NUP107: variants seen among roughly 807,000 people sequenced by gnomAD.
NUP107 encodes the protein nucleoporin 107.
Under a neutral mutation model 141.0 loss-of-function variants are expected in NUP107, and 101 were observed. The ratio of observed to expected loss-of-function variants is 0.72; its 90% CI spans 0.61 to 0.84. NUP107 has a LOEUF of 0.84. Ranked by LOEUF, NUP107 falls within the 40% of genes least tolerant of loss-of-function variation. NUP107 has a pLI of 0.00. For missense variants in NUP107, 941 were observed against 1,102.7 expected (o/e 0.85, Z 2.08); for synonymous variants, 319 against 363.9 (o/e 0.88, Z 1.41).
In NUP107 at chr12:68,742,430, C is replaced by T. The variant is rs1878358187; in HGVS notation, c.2746C>T (p.Leu916Phe). The change falls in exon 28 of 28, where the codon CTT becomes TTT. Residue 916 changes from leucine (L) to phenylalanine (F), a missense_variant. Physicochemically the swap from Leu to Phe is conservative, Grantham distance 22. Transcript: ENST00000229179. The part of the protein sequence containing the change: ...ESSLMLLDQG[L>F]DPLGYEIQL ...CTCTCTAATGCTCCTAGACCAGGGA[C>T]TTGACCCATTAGGGTATGAAATTCA... 1 of 1,600,824 alleles carries T rather than the reference C, an allele frequency of 6.2e-7. No homozygotes were observed. The highest frequency in any genetic ancestry group is 1.7e-5 in the Admixed American group (1 of 58,742).
At chr12:68,705,015 G>T (rs1227750598) in intron 8 of NUP107, among the ~76,000 whole-genome samples, 1 of 151,854 alleles carries the variant, frequency 6.6e-6, no homozygotes, top group Admixed American at 6.6e-5. Context: ...CCCAAGTAGC[G>T]AGGACTACAG....
At chr12:68,718,280 A>T (rs1360687173) in intron 12 of NUP107, among the ~76,000 whole-genome samples, 1 of 152,198 alleles carries the variant, frequency 6.6e-6, no homozygotes, top group Middle Eastern at 3.2e-3. Flanking sequence ...TTGTTAGCTC[A>T]CATCCCTAAC....
chr12:68,725,912 C>G, intron 18 of NUP107, 116 bp downstream of exon 18: 1 of 593,138 alleles, frequency 1.7e-6, no homozygotes, highest in South Asian at 2.1e-5. Flanking sequence ...TCTCAGCTCA[C>G]TGCAACCTCT....
chr12:68,708,832 T>C (rs1046463641), intron 8 of NUP107, among the ~76,000 whole-genome samples: 2 of 152,188 alleles, frequency 1.3e-5, no homozygotes, highest in Non-Finnish European at 2.9e-5. Flanking sequence ...TTGGCCAGAC[T>C]GGTCTCGAAC....
intron 8 of NUP107, 61 bp downstream of exon 8, chr12:68,702,845 G>GT: frequency 1.0e-6 from 1 of 969,712 alleles, no homozygotes; most frequent in Non-Finnish European, 1.5e-6. Flanking sequence ...TTACTAATAG[G>GT]ATTTTTTTTT....
At chr12:68,688,426 G>A (rs1439990554) in intron 1 of NUP107, among the ~76,000 whole-genome samples, 1 of 152,098 alleles carries the variant, frequency 6.6e-6, no homozygotes, top group Non-Finnish European at 1.5e-5. Context: ...ATAACTTGAA[G>A]GGTCATTTTG....
intron 7 of NUP107, 128 bp downstream of exon 7, chr12:68,700,981 A>C (rs554291749): frequency 3.3e-5 from 28 of 858,714 alleles, no homozygotes; most frequent in Admixed American, 1.6e-4. Flanking sequence ...TATCATTTCG[A>C]ATACCTTAGT....
intron 10 of NUP107, 88 bp from the exon 11 acceptor site, chr12:68,713,642 C>T (rs1432197808): frequency 7.6e-6 from 7 of 925,712 alleles, no homozygotes; most frequent in Non-Finnish European, 1.0e-5. Context: ...TGTAGTCTGT[C>T]TTTCTTCCTT....
At chr12:68,708,268 T>A (rs944195278) in intron 8 of NUP107, among the ~76,000 whole-genome samples, 8 of 152,068 alleles carry the variant, frequency 5.3e-5, no homozygotes, top group Admixed American at 1.3e-4. Flanking sequence ...ATATATATAT[T>A]TTTTACATCA....
chr12:68,717,260 T>C (rs1877154277), intron 12 of NUP107, among the ~76,000 whole-genome samples: 1 of 152,188 alleles, frequency 6.6e-6, no homozygotes, highest in Non-Finnish European at 1.5e-5. Flanking sequence ...AAATAGAAAT[T>C]CTCAAGGTCT....
chr12:68,692,125 T>C lies in NUP107; in HGVS notation c.448+13T>C, dbSNP rs1213449182. ...CCTGGAGAAGCTGGTAAAATGGCAT[T>C]GAGCTTTGTGACAAGTAGCTTTTCA... is the stretch of plus-strand genomic sequence containing the variant. On this transcript the variant is annotated intron_variant, in intron 5 of 27. Coordinates refer to ENST00000229179, the MANE Select transcript of NUP107 (RefSeq NM_020401.4). 10 of 1,561,970 alleles carry C rather than the reference T, an allele frequency of 6.4e-6. No individual in the cohort carries two copies. In the East Asian group the frequency reaches 2.3e-4, roughly 36 times the overall value.
chr12:68,700,461 A>T (rs1358999443), intron 6 of NUP107, among the ~76,000 whole-genome samples: 1 of 152,186 alleles, frequency 6.6e-6, no homozygotes, highest in Non-Finnish European at 1.5e-5. Flanking sequence ...AAAAAAATAT[A>T]TCCATCACTG....
chr12:68,722,551 C>T (rs1325014522), intron 17 of NUP107, among the ~76,000 whole-genome samples: 1 of 151,874 alleles, frequency 6.6e-6, no homozygotes, highest in African/African-American at 2.4e-5. Context: ...ATAAATAAAA[C>T]CTTTATAGTA....
intron 11 of NUP107, 189 bp downstream of exon 11, chr12:68,713,997 T>A (rs1272712511): frequency 4.4e-5 from 24 of 544,708 alleles, no homozygotes; most frequent in Non-Finnish European, 3.2e-6. Flanking sequence ...GACCTTTGAA[T>A]TGTAAGTAAT....
intron 21 of NUP107, 115 bp from the exon 22 acceptor site, chr12:68,731,492 A>G (rs1412197755): frequency 8.1e-6 from 5 of 618,702 alleles, no homozygotes; most frequent in African/African-American, 1.9e-5. Flanking sequence ...CATATTTTAC[A>G]TATTTTATTT....
At chr12:68,735,792 T>C (rs1383850070) in intron 26 of NUP107, among the ~76,000 whole-genome samples, 4 of 151,980 alleles carry the variant, frequency 2.6e-5, no homozygotes, top group African/African-American at 7.3e-5. Context: ...AGGGCTGGGG[T>C]TTATTTTTGT....
chr12:68,712,740 C>T (rs1876922382), intron 10 of NUP107, among the ~76,000 whole-genome samples: 1 of 150,334 alleles, frequency 6.7e-6, no homozygotes, highest in African/African-American at 2.4e-5. Context: ...GAACAGAGAA[C>T]CCCACAATAG....
chr12:68,720,580 G>A (rs1202356874), intron 14 of NUP107, among the ~76,000 whole-genome samples: 1 of 152,104 alleles, frequency 6.6e-6, no homozygotes, highest in Non-Finnish European at 1.5e-5. Context: ...AGGCAGAGGT[G>A]GACTCAGTTA....
intron 26 of NUP107, among the ~76,000 whole-genome samples, chr12:68,739,342 T>G (rs1878219671): frequency 1.3e-5 from 2 of 152,174 alleles, no homozygotes; most frequent in Admixed American, 1.3e-4. Context: ...ATGAAGGGAG[T>G]AACCTTGTTT....
Sources: allele counts gnomAD v4.1 joint callset (sites outside exome capture counted in the v4.1 genomes callset), GRCh38; gene constraint gnomAD v4.1.1; transcripts MANE v1.5; gene names NCBI Gene and HGNC (gene_info 2026-07-23, HGNC 2026-07-21).